The following NALF1 variants were observed in gnomAD, a reference collection of about 807,000 sequenced individuals.
The protein encoded by NALF1 is family with sequence similarity 155 member A.
In NALF1, 3 loss-of-function variants were observed where a neutral mutation model predicts 48.4. That is an observed-to-expected ratio of 0.06 (90% CI 0.03 to 0.16). The LOEUF (loss-of-function observed/expected upper bound fraction) is 0.16, where lower values mean the gene tolerates loss of function less well. Ranked by LOEUF, NALF1 falls within the 10% of genes least tolerant of loss-of-function variation. The pLI is 1.00. For missense variants in NALF1, 526 were observed against 571.5 expected (o/e 0.92, Z 0.81); for synonymous variants, 262 against 245.7 (o/e 1.07, Z -0.62).
chr13:107,478,010 T>C (rs1885199451), intron 1 of NALF1, among the ~76,000 whole-genome samples: 1 of 152,242 alleles, frequency 6.6e-6, no homozygotes, highest in Middle Eastern at 3.4e-3. Flanking sequence ...AGAAGGTTAG[T>C]ACACTCAGAC....
chr13:107,337,814 T>C (rs963337217), intron 1 of NALF1, among the ~76,000 whole-genome samples: 2 of 152,208 alleles, frequency 1.3e-5, no homozygotes. Flanking sequence ...CCTAGGTTGG[T>C]TGTTGCTTAA....
At position 107,268,081 on chromosome 13, in the gene NALF1, G is replaced by T. The variant is rs981007227; in HGVS notation, c.916-57326C>A. ...GGCTCACTGCAACCTCCGCTTCCCA[G>T]GTTCAAGGGATTCTCCTGCCTCCGC... On this transcript the variant is annotated intron_variant, in intron 1 of 2. Coordinates refer to ENST00000375915, the MANE Select transcript of NALF1 (RefSeq NM_001080396.3). 3.4e-5 allele frequency among the ~76,000 whole-genome samples: 5 copies of T among 147,592 alleles called. No homozygotes were observed. The East Asian group carries it at 1.0e-3, about 29-fold the overall frequency.
At chr13:107,737,236 A>C (rs1473770275) in intron 1 of NALF1, among the ~76,000 whole-genome samples, 1 of 152,206 alleles carries the variant, frequency 6.6e-6, no homozygotes, top group Non-Finnish European at 1.5e-5. Flanking sequence ...ATTTCATGAC[A>C]CCATTTCACA....
chr13:107,606,990 C>T (rs981381070), intron 1 of NALF1, among the ~76,000 whole-genome samples: 2 of 152,164 alleles, frequency 1.3e-5, no homozygotes, highest in Non-Finnish European at 2.9e-5. Context: ...GGAGGTAATT[C>T]ATTTTCTATT....
intron 1 of NALF1, among the ~76,000 whole-genome samples, chr13:107,377,753 G>A (rs1232382923): frequency 2.6e-5 from 4 of 152,174 alleles, no homozygotes; most frequent in Non-Finnish European, 5.9e-5. Context: ...TGATTCTCAA[G>A]CTGTTTTTCA....
At chr13:107,292,723 A>G (rs926997310) in intron 1 of NALF1, among the ~76,000 whole-genome samples, 1 of 152,208 alleles carries the variant, frequency 6.6e-6, no homozygotes, top group Non-Finnish European at 1.5e-5. Context: ...TACAGTTAAA[A>G]TGTTTTTAAA....
intron 1 of NALF1, among the ~76,000 whole-genome samples, chr13:107,320,066 T>C (rs1030761585): frequency 1.3e-5 from 2 of 152,130 alleles, no homozygotes; most frequent in Non-Finnish European, 2.9e-5. Context: ...CCATGGTATA[T>C]TGAGATATAG....
intron 1 of NALF1, among the ~76,000 whole-genome samples, chr13:107,404,586 C>A (rs558740792): frequency 6.6e-6 from 1 of 152,026 alleles, no homozygotes; most frequent in South Asian, 2.1e-4. Flanking sequence ...TTGTAGGGAA[C>A]AAATTTGGTA....
chr13:107,630,085 T>C (rs1320627846), intron 1 of NALF1, among the ~76,000 whole-genome samples: 2 of 152,176 alleles, frequency 1.3e-5, no homozygotes, highest in African/African-American at 4.8e-5. Flanking sequence ...TGCCAGGTGT[T>C]CCATTATTGG....
intron 1 of NALF1, among the ~76,000 whole-genome samples, chr13:107,313,533 C>T (rs961762998): frequency 1.2e-4 from 19 of 152,082 alleles, no homozygotes; most frequent in African/African-American, 4.3e-4. Context: ...TAAAACAGTT[C>T]TGTTGGATTT....
chr13:107,715,077 CAT>C (rs2138522475), intron 1 of NALF1, among the ~76,000 whole-genome samples: 1 of 152,084 alleles, frequency 6.6e-6, no homozygotes, highest in South Asian at 2.1e-4. Context: ...ACAGCCATAT[CAT>C]GTGTAGTAAT....
At chr13:107,331,257 TA>T (rs1234102511) in intron 1 of NALF1, among the ~76,000 whole-genome samples, 4 of 152,218 alleles carry the variant, frequency 2.6e-5, no homozygotes, top group Admixed American at 2.0e-4. Flanking sequence ...TCATTCTCAG[TA>T]ATGTAATATT....
At chr13:107,632,845 T>C (rs1879868426) in intron 1 of NALF1, among the ~76,000 whole-genome samples, 1 of 148,412 alleles carries the variant, frequency 6.7e-6, no homozygotes, top group Non-Finnish European at 1.5e-5. Context: ...TTGAGTTCTC[T>C]AGAGGAAAAA....
intron 1 of NALF1, among the ~76,000 whole-genome samples, chr13:107,819,830 TC>T (rs1160328851): frequency 1.3e-5 from 2 of 151,978 alleles, no homozygotes; most frequent in African/African-American, 4.8e-5. Flanking sequence ...CTTTCTTCTC[TC>T]ATATTTTATA....
At chr13:107,688,708 T>C (rs1037585289) in intron 1 of NALF1, among the ~76,000 whole-genome samples, 1 of 152,276 alleles carries the variant, frequency 6.6e-6, no homozygotes, top group East Asian at 1.9e-4. Flanking sequence ...CTCTGTGCCA[T>C]TCCAGGGTTC....
At chr13:107,767,319 T>C (rs1204135551) in intron 1 of NALF1, among the ~76,000 whole-genome samples, 1 of 152,184 alleles carries the variant, frequency 6.6e-6, no homozygotes, top group Non-Finnish European at 1.5e-5. Flanking sequence ...CCAGATGAAA[T>C]TAAGTCAAGG....
chr13:107,746,438 A>G (rs1162834617), intron 1 of NALF1, among the ~76,000 whole-genome samples: 1 of 152,204 alleles, frequency 6.6e-6, no homozygotes, highest in African/African-American at 2.4e-5. Flanking sequence ...GTTTCTTTTC[A>G]ATACATTGTG....
intron 1 of NALF1, among the ~76,000 whole-genome samples, chr13:107,584,654 CTTT>C: frequency 6.6e-6 from 1 of 152,248 alleles, no homozygotes; most frequent in African/African-American, 2.4e-5. Flanking sequence ...TGCCCTCATA[CTTT>C]TTATTACTCG....
At chr13:107,822,337 G>GTTTTTTTTTTTTTTT in intron 1 of NALF1, among the ~76,000 whole-genome samples, 1 of 149,222 alleles carries the variant, frequency 6.7e-6, no homozygotes. Flanking sequence ...TTGAGACAGA[G>GTTTTTTTTTTTTTTT]TCTGGCCCTG....
Sources: gnomAD v4.1 joint callset for allele counts (sites outside exome capture counted in the v4.1 genomes callset) on GRCh38, gnomAD v4.1.1 for gene constraint, MANE v1.5 for transcripts, NCBI Gene and HGNC (gene_info 2026-07-23, HGNC 2026-07-21) for gene names.